NBAS: variants seen among roughly 807,000 people sequenced by gnomAD.
The protein encoded by NBAS is NAG/BC035112 fusion.
Under a neutral mutation model 302.5 loss-of-function variants are expected in NBAS, and 219 were observed. That is an observed-to-expected ratio of 0.72 (90% CI 0.65 to 0.81). NBAS has a LOEUF of 0.81. NBAS is among the 30% of genes least tolerant of loss of function. The pLI, the probability that NBAS is intolerant of heterozygous loss-of-function variation, is 0.00. For missense variants in NBAS, 2,932 were observed against 2,841.6 expected (o/e 1.03, Z -0.72); for synonymous variants, 1,118 against 1,021.6 (o/e 1.09, Z -1.80).
chr2:15,334,221 GCT>G (rs1356140351), intron 35 of NBAS, among the ~76,000 whole-genome samples: 1 of 149,730 alleles, frequency 6.7e-6, no homozygotes, highest in Non-Finnish European at 1.5e-5. Flanking sequence ...ACAGAGTCTC[GCT>G]CTGTCACCCA....
intron 19 of NBAS, among the ~76,000 whole-genome samples, chr2:15,462,176 G>T (rs1023936020): frequency 4.6e-5 from 7 of 152,220 alleles, no homozygotes; most frequent in Non-Finnish European, 8.8e-5. Flanking sequence ...GTCAAATGCA[G>T]ATTGAACCAT....
At chr2:15,317,939 A>G (rs1671594438) in intron 38 of NBAS, among the ~76,000 whole-genome samples, 1 of 152,220 alleles carries the variant, frequency 6.6e-6, no homozygotes, top group Admixed American at 6.5e-5. Context: ...CCCAAGACAC[A>G]TAATTGTCAG....
At chr2:14,787,021 A>G in the NBAS span, among the ~76,000 whole-genome samples, 1 of 152,148 alleles carries the variant, frequency 6.6e-6, no homozygotes, top group Non-Finnish European at 1.5e-5. Context: ...TTGGGTGCAT[A>G]TATATTTAGG....
chr2:15,223,014 A>G (rs543755600), intron 47 of NBAS, among the ~76,000 whole-genome samples: 1 of 152,368 alleles, frequency 6.6e-6, no homozygotes, highest in Non-Finnish European at 1.5e-5. Context: ...TTCCTAAAAT[A>G]GAAGCATTGT....
At chr2:14,872,531 T>C in the NBAS span, among the ~76,000 whole-genome samples, 18 of 152,344 alleles carry the variant, frequency 1.2e-4, no homozygotes, top group East Asian at 3.9e-4. Flanking sequence ...AGAGAGTTTG[T>C]TCCTTCTGAT....
intron 48 of NBAS, among the ~76,000 whole-genome samples, chr2:15,197,559 T>C (rs972851200): frequency 6.6e-6 from 1 of 152,164 alleles, no homozygotes; most frequent in African/African-American, 2.4e-5. Flanking sequence ...CCTGAGAAAT[T>C]AGACAGACGA....
chr2:14,827,027 CTTAA>C, the NBAS span, among the ~76,000 whole-genome samples: 1 of 152,144 alleles, frequency 6.6e-6, no homozygotes, highest in Non-Finnish European at 1.5e-5. Flanking sequence ...AGAAGCAGGA[CTTAA>C]TTAAGAAAGG....
intron 40 of NBAS, among the ~76,000 whole-genome samples, chr2:15,299,997 T>G (rs762658440): frequency 4.6e-5 from 7 of 152,196 alleles, no homozygotes; most frequent in Non-Finnish European, 7.4e-5. Context: ...GACTGACCAT[T>G]TGCTAACCAT....
chr2:15,369,912 T>C (rs1411449995), intron 31 of NBAS, among the ~76,000 whole-genome samples: 1 of 152,210 alleles, frequency 6.6e-6, no homozygotes, highest in Non-Finnish European at 1.5e-5. Flanking sequence ...AAAAGATAGC[T>C]GTGCAATATC....
chr2:15,196,521 G>A (rs1665626852), intron 48 of NBAS, among the ~76,000 whole-genome samples: 3 of 152,082 alleles, frequency 2.0e-5, no homozygotes, highest in Non-Finnish European at 2.9e-5. Context: ...TGAAAAGGAG[G>A]ATGAAAATGA....
the NBAS span, among the ~76,000 whole-genome samples, chr2:15,040,366 A>G: frequency 6.6e-6 from 1 of 152,142 alleles, no homozygotes; most frequent in Non-Finnish European, 1.5e-5. Context: ...GGGATCTCTG[A>G]TTACCGCAAG....
intron 25 of NBAS, among the ~76,000 whole-genome samples, chr2:15,405,049 T>C (rs1461822809): frequency 6.6e-6 from 1 of 152,202 alleles, no homozygotes; most frequent in Non-Finnish European, 1.5e-5. Context: ...ATTAACCAGA[T>C]TATGTCTCCT....
chr2:14,906,795 A>G, the NBAS span, among the ~76,000 whole-genome samples: 6 of 152,188 alleles, frequency 3.9e-5, no homozygotes, highest in African/African-American at 1.4e-4. Context: ...AAAACCCCTA[A>G]TAAAAGCACA....
the NBAS span, among the ~76,000 whole-genome samples, chr2:15,122,102 G>A: frequency 6.6e-6 from 1 of 151,780 alleles, no homozygotes; most frequent in African/African-American, 2.4e-5. Flanking sequence ...GGAAGAGGAT[G>A]GGGTATGACG....
At chr2:15,056,469 G>T in the NBAS span, among the ~76,000 whole-genome samples, 1 of 152,198 alleles carries the variant, frequency 6.6e-6, no homozygotes, top group South Asian at 2.1e-4. Context: ...TTTAGTTAAA[G>T]AGGAAATGTG....
At chr2:15,437,915 C>G (rs1481305579) in intron 21 of NBAS, among the ~76,000 whole-genome samples, 2 of 152,010 alleles carry the variant, frequency 1.3e-5, no homozygotes, top group African/African-American at 4.8e-5. Context: ...ACCAAGGGTC[C>G]AAGAATGAAG....
intron 44 of NBAS, among the ~76,000 whole-genome samples, chr2:15,252,270 G>T (rs777388934): frequency 6.6e-6 from 1 of 152,078 alleles, no homozygotes; most frequent in Non-Finnish European, 1.5e-5. Flanking sequence ...AGGCCGAGGC[G>T]GTTGGATCAC....
At chr2:15,191,937 G>C (rs1193189404) in intron 48 of NBAS, among the ~76,000 whole-genome samples, 1 of 152,088 alleles carries the variant, frequency 6.6e-6, no homozygotes, top group Admixed American at 6.6e-5. Flanking sequence ...CCCATCTCAG[G>C]CATTCTGATC....
the NBAS span, among the ~76,000 whole-genome samples, chr2:15,093,186 C>T: frequency 7.2e-5 from 11 of 152,198 alleles, no homozygotes; most frequent in East Asian, 1.5e-3. Flanking sequence ...GAGGCGGAGG[C>T]GGGCAGATCA....
Sources: allele counts gnomAD v4.1 joint callset (sites outside exome capture counted in the v4.1 genomes callset), GRCh38; gene constraint gnomAD v4.1.1; transcripts MANE v1.5; gene names NCBI Gene and HGNC (gene_info 2026-07-23, HGNC 2026-07-21).